The following TRIP12 variants were observed in gnomAD, a reference collection of about 807,000 sequenced individuals.
TRIP12 encodes the protein thyroid hormone receptor interactor 12.
A neutral mutation model predicts 244.2 loss-of-function variants in TRIP12; 25 were observed. That is an observed-to-expected ratio of 0.10 (90% CI 0.07 to 0.14). The LOEUF (loss-of-function observed/expected upper bound fraction) is 0.14. Ranked by LOEUF, TRIP12 falls within the 10% of genes least tolerant of loss-of-function variation. TRIP12 has a pLI of 1.00. For missense variants in TRIP12, 1,677 were observed against 2,486.4 expected (o/e 0.67, Z 6.92); for synonymous variants, 905 against 873.1 (o/e 1.04, Z -0.64).
Position 229,814,296 on chromosome 2 carries a change from T to C in TRIP12, c.1761A>G (p.Ala587=), listed in dbSNP as rs1245278092. Residue 587 remains alanine (A), a synonymous_variant, in exon 12 of 42, where the codon GCA becomes GCG. Transcript: ENST00000675903. The part of the protein sequence containing the change: ...KLQVIQCIDV[A]EQALTALEML... ...TCTCCAAGGCAGTCAAGGCCTGCTC[T>C]GCCACATCAATACACTGAATAACTT... The C allele has an allele frequency of 1.9e-6, 3 of 1,614,170 alleles. No homozygotes were observed. Among genetic ancestry groups the C allele is most frequent in the Admixed American group, 3.3e-5 (2 of 60,024 alleles).
At chr2:229,852,522 T>C (rs1251131386) in intron 4 of TRIP12, among the ~76,000 whole-genome samples, 2 of 152,210 alleles carry the variant, frequency 1.3e-5, no homozygotes, top group African/African-American at 4.8e-5. Context: ...TTATGCTGTA[T>C]AAAATTTGCA....
intron 5 of TRIP12, among the ~76,000 whole-genome samples, chr2:229,837,461 CCT>C (rs1426403588): frequency 2.0e-5 from 3 of 152,014 alleles, no homozygotes; most frequent in African/African-American, 7.3e-5. Flanking sequence ...ATGATGAAAC[CCT>C]GTCTCTACTA....
chr2:229,864,842 T>C (rs1378864291), intron 2 of TRIP12, among the ~76,000 whole-genome samples: 3 of 152,188 alleles, frequency 2.0e-5, no homozygotes, highest in Non-Finnish European at 4.4e-5. Flanking sequence ...ATCATTTGGG[T>C]TATGAAGCCT....
chr2:229,846,990 AAC>A (rs1040197397), intron 4 of TRIP12, among the ~76,000 whole-genome samples: 6 of 152,224 alleles, frequency 3.9e-5, no homozygotes, highest in Middle Eastern at 3.2e-3. Flanking sequence ...GTTGCAAGAA[AAC>A]AGTTATTATT....
chr2:229,769,938 T>A (rs145574119), intron 39 of TRIP12, among the ~76,000 whole-genome samples: 3 of 152,310 alleles, frequency 2.0e-5, no homozygotes, highest in Non-Finnish European at 2.9e-5. Flanking sequence ...TTGAGGCCAA[T>A]GAAATTTAAT....
chr2:229,799,420 A>T, intron 21 of TRIP12, 37 bp from the exon 22 acceptor site: 1 of 1,566,242 alleles, frequency 6.4e-7, no homozygotes, highest in Non-Finnish European at 8.8e-7. Flanking sequence ...TTTAGCAATT[A>T]CCACTGTTTT....
At chr2:229,773,859 AATTAG>A in intron 38 of TRIP12, 1 of 361,458 alleles carries the variant, frequency 2.8e-6, no homozygotes, top group Non-Finnish European at 5.0e-6. Context: ...AACGTGGTGT[AATTAG>A]ATAGCATTCA....
rs539724453 is a variant in TRIP12, at chr2:229,827,817, A to AT, written c.1450+1375dup. Among the ~76,000 whole-genome samples, 87 of 151,868 alleles carry AT rather than the reference A, an allele frequency of 5.7e-4. 1 individual carries two copies. In the South Asian group the frequency reaches 0.011, roughly 19 times the overall value. On this transcript the variant is annotated intron_variant, in intron 8 of 41. Coordinates refer to ENST00000675903, the MANE Select transcript of TRIP12 (RefSeq NM_001348323.3). ...GTAAAGTTTCTTAAAATATTGTAAGATTTTTTTTTAAGCTCAACAGCTATC... is the reference window on the plus strand; with the variant it reads ...GTAAAGTTTCTTAAAATATTGTAAGATTTTTTTTTTAAGCTCAACAGCTATC...
At chr2:229,906,724 CAA>C (rs796721054) in intron 1 of TRIP12, among the ~76,000 whole-genome samples, 13 of 68,280 alleles carry the variant, frequency 1.9e-4, no homozygotes, top group East Asian at 3.8e-4. Context: ...CACCTCAAAA[CAA>C]AAAAAAAAAA....
chr2:229,789,029 CA>C, intron 31 of TRIP12, 89 bp from the exon 32 acceptor site: 1 of 1,229,418 alleles, frequency 8.1e-7, no homozygotes. Flanking sequence ...CAAGTCCATG[CA>C]AAGTACCCTG....
chr2:229,922,924 G>C (rs567533505), upstream of TRIP12, among the ~76,000 whole-genome samples: 11 of 152,306 alleles, frequency 7.2e-5, no homozygotes, highest in East Asian at 2.1e-3. Context: ...GGGCGTCTCC[G>C]GCTTGCGTGC....
At chr2:229,793,561 G>T (rs1462408066) in intron 26 of TRIP12, among the ~76,000 whole-genome samples, 2 of 151,930 alleles carry the variant, frequency 1.3e-5, no homozygotes, top group African/African-American at 2.4e-5. Context: ...TTATTTCAAA[G>T]ATTTCAGCTA....
At chr2:229,851,176 C>G (rs2058631660) in intron 4 of TRIP12, among the ~76,000 whole-genome samples, 1 of 152,236 alleles carries the variant, frequency 6.6e-6, no homozygotes, top group African/African-American at 2.4e-5. Context: ...GCCAGCTAGG[C>G]TCCTGAGTCT....
At chr2:229,866,002 G>C (rs1206890481) in intron 2 of TRIP12, among the ~76,000 whole-genome samples, 1 of 152,120 alleles carries the variant, frequency 6.6e-6, no homozygotes, top group Non-Finnish European at 1.5e-5. Flanking sequence ...ACACTGGGAA[G>C]CGGCAGTGCT....
chr2:229,922,446 T>G, upstream of TRIP12: 1 of 1,461,126 alleles, frequency 6.8e-7, no homozygotes, highest in Non-Finnish European at 9.6e-7. Flanking sequence ...ACTAGGGTTT[T>G]GGCCCCTTGA....
rs1330862382 is a variant in TRIP12 at position 229,803,977 on chromosome 2, T to C, written c.2879+22A>G. On this transcript the variant is annotated intron_variant, in intron 19 of 41. Coordinates refer to ENST00000675903, the MANE Select transcript of TRIP12 (RefSeq NM_001348323.3). ...CAGAGATTTGTATTTGTAAAATGTTTCTACTATTTTCATTAACACACCTTG... is the reference window on the plus strand; with the variant it reads ...CAGAGATTTGTATTTGTAAAATGTTCCTACTATTTTCATTAACACACCTTG... 4 of 1,570,072 alleles carry C rather than the reference T, an allele frequency of 2.5e-6. No homozygotes were observed. In the South Asian group the frequency reaches 4.6e-5, roughly 18 times the overall value.
intron 6 of TRIP12, among the ~76,000 whole-genome samples, chr2:229,834,426 CTA>C (rs2054233726): frequency 6.6e-6 from 1 of 152,184 alleles, no homozygotes; most frequent in African/African-American, 2.4e-5. Flanking sequence ...TTTATCAACA[CTA>C]TAAAGGTCTG....
At chr2:229,875,745 A>T (rs1226607255) in intron 2 of TRIP12, among the ~76,000 whole-genome samples, 1 of 152,218 alleles carries the variant, frequency 6.6e-6, no homozygotes, top group Admixed American at 6.5e-5. Context: ...TCATTAGTTG[A>T]ATCACTGTAT....
At chr2:229,826,062 A>C (rs1368173094) in intron 8 of TRIP12, among the ~76,000 whole-genome samples, 1 of 152,242 alleles carries the variant, frequency 6.6e-6, no homozygotes, top group Non-Finnish European at 1.5e-5. Flanking sequence ...TTAACCAGTA[A>C]AGAGTGAAAA....
Sources: allele counts gnomAD v4.1 joint callset (sites outside exome capture counted in the v4.1 genomes callset), GRCh38; gene constraint gnomAD v4.1.1; transcripts MANE v1.5; gene names NCBI Gene and HGNC (gene_info 2026-07-23, HGNC 2026-07-21).